GPM6A: variants seen among roughly 807,000 people sequenced by gnomAD.
GPM6A encodes glycoprotein M6A.
A neutral mutation model predicts 32.1 loss-of-function variants in GPM6A; 7 were observed. The ratio of observed to expected loss-of-function variants is 0.22; its 90% CI spans 0.12 to 0.41. The LOEUF (loss-of-function observed/expected upper bound fraction) is 0.41, where lower values mean the gene tolerates loss of function less well. Ranked by LOEUF, GPM6A falls within the 10% of genes least tolerant of loss-of-function variation. The pLI is 1.00. For synonymous variants in GPM6A, 130 were observed against 123.4 expected (o/e 1.05, Z -0.35); for missense variants, 235 against 347.2 (o/e 0.68, Z 2.57).
intron 4 of GPM6A, 132 bp downstream of exon 4, chr4:175,651,702 C>G: frequency 1.4e-6 from 1 of 692,470 alleles, no homozygotes; most frequent in Non-Finnish European, 2.5e-6. Context: ...CAGTAATACT[C>G]TGATAAATTT....
At chr4:175,659,999 A>G (rs975478384) in intron 3 of GPM6A, among the ~76,000 whole-genome samples, 4 of 152,232 alleles carry the variant, frequency 2.6e-5, no homozygotes, top group African/African-American at 9.6e-5. Flanking sequence ...TTGACGTTAA[A>G]TGTCATTTTT....
At chr4:175,925,695 A>G (rs941731915) in intron 1 of GPM6A, among the ~76,000 whole-genome samples, 4 of 152,186 alleles carry the variant, frequency 2.6e-5, no homozygotes, top group Non-Finnish European at 4.4e-5. Context: ...GAAGTGGCTG[A>G]GATGAATTAG....
At chr4:175,828,860 CTG>C (rs1272621716) in intron 1 of GPM6A, among the ~76,000 whole-genome samples, 3 of 134,516 alleles carry the variant, frequency 2.2e-5, no homozygotes, top group Non-Finnish European at 4.4e-5. Flanking sequence ...AATAGAAAGA[CTG>C]TAAATTTATA....
chr4:175,745,153 T>A (rs1304032955), intron 1 of GPM6A, among the ~76,000 whole-genome samples: 1 of 152,130 alleles, frequency 6.6e-6, no homozygotes, highest in Non-Finnish European at 1.5e-5. Flanking sequence ...AATACCAGAT[T>A]TTTTTACAGC....
intron 1 of GPM6A, chr4:175,787,195 A>ATGTGT: frequency 6.3e-6 from 4 of 638,138 alleles, no homozygotes; most frequent in Non-Finnish European, 1.1e-5. Context: ...TTTTCATTGG[A>ATGTGT]TGTGACATGC....
rs184035628 is a variant in GPM6A, at chr4:175,688,211, C to T, written c.230+13364G>A. On this transcript the variant is annotated intron_variant, in intron 2 of 6. Transcript: ENST00000393658. ...AGCTTTTCAGCTCCATCTAGTCACA[C>T]TTGTCTATTATTTTTGCTTTTGTGA... Among the ~76,000 whole-genome samples, 244 of 152,208 alleles carry T rather than the reference C, an allele frequency of 1.6e-3. 2 individuals carry two copies. The highest frequency in any genetic ancestry group is 5.0e-4 in the Non-Finnish European group (34 of 67,998).
chr4:175,703,159 C>T (rs1261556686), intron 1 of GPM6A, among the ~76,000 whole-genome samples: 2 of 151,958 alleles, frequency 1.3e-5, no homozygotes, highest in Admixed American at 1.3e-4. Flanking sequence ...TTAGATGTAA[C>T]CTAACTATTA....
intron 1 of GPM6A, among the ~76,000 whole-genome samples, chr4:175,846,820 T>A (rs1177738203): frequency 6.6e-6 from 1 of 152,092 alleles, no homozygotes; most frequent in African/African-American, 2.4e-5. Context: ...TATACAGATC[T>A]TGCTCCTGCT....
chr4:175,969,308 T>C (rs188573259), intron 1 of GPM6A, among the ~76,000 whole-genome samples: 1 of 152,154 alleles, frequency 6.6e-6, no homozygotes, highest in Admixed American at 6.6e-5. Context: ...AGTGAGACTA[T>C]TCTGTACAAT....
chr4:175,976,455 C>A (rs1374145534), intron 1 of GPM6A, among the ~76,000 whole-genome samples: 2 of 152,088 alleles, frequency 1.3e-5, no homozygotes, highest in Admixed American at 1.3e-4. Context: ...CGTGAGCCAC[C>A]ACGCCCAGCC....
At chr4:175,930,435 TTTTTTTG>T (rs1425817952) in intron 1 of GPM6A, among the ~76,000 whole-genome samples, 1 of 134,686 alleles carries the variant, frequency 7.4e-6, no homozygotes, top group African/African-American at 2.7e-5. Context: ...TGGGGGGGGG[TTTTTTTG>T]TTGTTGTTTT....
chr4:175,988,574 A>C (rs906114959), intron 1 of GPM6A, among the ~76,000 whole-genome samples: 7 of 152,228 alleles, frequency 4.6e-5, no homozygotes, highest in Admixed American at 2.6e-4. Context: ...GCTAATCAGC[A>C]TCCATTGCAG....
intron 2 of GPM6A, among the ~76,000 whole-genome samples, chr4:175,686,238 C>T (rs565240911): frequency 1.3e-5 from 2 of 152,318 alleles, no homozygotes; most frequent in Admixed American, 6.5e-5. Flanking sequence ...TCACTTCATA[C>T]ATTTATTTAG....
At chr4:175,647,759 T>C (rs979432184) in intron 4 of GPM6A, among the ~76,000 whole-genome samples, 23 of 152,196 alleles carry the variant, frequency 1.5e-4, no homozygotes, top group Non-Finnish European at 3.1e-4. Context: ...AAATTCTGAA[T>C]TGATCCTAAT....
intron 1 of GPM6A, among the ~76,000 whole-genome samples, chr4:175,785,758 C>T (rs1174035936): frequency 6.6e-6 from 1 of 152,080 alleles, no homozygotes; most frequent in East Asian, 1.9e-4. Flanking sequence ...GCAGATAAAT[C>T]AGCACTGTAT....
intron 1 of GPM6A, among the ~76,000 whole-genome samples, chr4:175,886,670 G>A (rs1273447587): frequency 6.8e-6 from 1 of 147,554 alleles, no homozygotes; most frequent in African/African-American, 2.5e-5. Context: ...TTTGATCAAC[G>A]AAATACAACA....
intron 1 of GPM6A, among the ~76,000 whole-genome samples, chr4:175,984,813 A>G (rs539163130): frequency 6.6e-6 from 1 of 152,166 alleles, no homozygotes; most frequent in Non-Finnish European, 1.5e-5. Flanking sequence ...TGAGGCAGTA[A>G]AATAATTTAT....
Position 175,917,582 on chromosome 4 carries a change from C to T in GPM6A, c.-23+84727G>A, listed in dbSNP as rs372502635. ...ATGTACGTTACCATAGTAGTGTGGG[C>T]GGCTATTAAAAATCCACCTAACAGA... On this transcript the variant is annotated intron_variant, in intron 1 of 7. Transcript: ENST00000280187. 6.6e-5 allele frequency among the ~76,000 whole-genome samples: 10 copies of T among 152,222 alleles called. No individual in the cohort carries two copies. The East Asian group carries it at 1.4e-3, about 21-fold the overall frequency.
At chr4:175,929,388 G>A (rs1031923857) in intron 1 of GPM6A, among the ~76,000 whole-genome samples, 11 of 152,288 alleles carry the variant, frequency 7.2e-5, no homozygotes, top group East Asian at 1.9e-4. Flanking sequence ...TATAGGGGCC[G>A]TTGTTACAGG....
Sources: gnomAD v4.1 joint callset for allele counts (sites outside exome capture counted in the v4.1 genomes callset) on GRCh38, gnomAD v4.1.1 for gene constraint, MANE v1.5 for transcripts, NCBI Gene and HGNC (gene_info 2026-07-23, HGNC 2026-07-21) for gene names.